Variants in SLC25A21 observed in about 807,000 individuals in gnomAD.
The protein encoded by SLC25A21 is mitochondrial 2-oxodicarboxylate carrier.
Under a neutral mutation model 43.8 loss-of-function variants are expected in SLC25A21, and 47 were observed. That is an observed-to-expected ratio of 1.07 (90% CI 0.85 to 1.37). SLC25A21 has a LOEUF of 1.37. Among genes scored for constraint, SLC25A21 ranks in the 40% most tolerant of loss-of-function variants. The pLI, the probability that SLC25A21 is intolerant of heterozygous loss-of-function variation, is 0.00. For missense variants in SLC25A21, 352 were observed against 350.2 expected, an observed-to-expected ratio of 1.00 and a Z score of -0.04; for synonymous variants, 131 against 121.3, an observed-to-expected ratio of 1.08 and a Z score of -0.52.
chr14:36,962,326 A>T (rs9322969), intron 1 of SLC25A21, among the ~76,000 whole-genome samples: 56,220 of 151,950 alleles, frequency 0.37, 10,593 homozygotes, highest in South Asian at 0.48. Context: ...TTTTTGTGTG[A>T]GACAAGAGCA....
At chr14:36,844,422 C>T (rs1362450098) in intron 2 of SLC25A21, among the ~76,000 whole-genome samples, 1 of 152,166 alleles carries the variant, frequency 6.6e-6, no homozygotes, top group Admixed American at 6.5e-5. Flanking sequence ...GTGCTAGCAG[C>T]ACACAAGGGG....
chr14:36,942,356 C>T (rs1180021638), intron 1 of SLC25A21, among the ~76,000 whole-genome samples: 4 of 152,150 alleles, frequency 2.6e-5, no homozygotes, highest in Non-Finnish European at 4.4e-5. Flanking sequence ...CTGGAAGCTT[C>T]GCTGAACTAT....
intron 1 of SLC25A21, among the ~76,000 whole-genome samples, chr14:36,979,335 T>TTGTTC (rs1959962791): frequency 6.9e-6 from 1 of 145,272 alleles, no homozygotes; most frequent in Non-Finnish European, 1.5e-5. Flanking sequence ...TTTTTTGGTT[T>TTGTTC]TTTTTTTTAC....
chr14:36,684,656 A>T, intron 8 of SLC25A21, 88 bp downstream of exon 8: 1 of 1,256,718 alleles, frequency 8.0e-7, no homozygotes, highest in Non-Finnish European at 1.1e-6. Flanking sequence ...AGGAGGGCTT[A>T]CTGGTTCTCA....
intron 1 of SLC25A21, among the ~76,000 whole-genome samples, chr14:37,065,740 T>C (rs1397030865): frequency 6.6e-6 from 1 of 152,170 alleles, no homozygotes; most frequent in East Asian, 1.9e-4. Flanking sequence ...ATTCAAACAC[T>C]TCAGATATTG....
intron 5 of SLC25A21, among the ~76,000 whole-genome samples, chr14:36,728,379 T>C (rs2139217676): frequency 6.6e-6 from 1 of 152,298 alleles, no homozygotes; most frequent in Middle Eastern, 3.4e-3. Flanking sequence ...CTGGAGACAA[T>C]ATTTTATTGT....
chr14:36,845,714 T>C (rs927295416), intron 2 of SLC25A21, among the ~76,000 whole-genome samples: 2 of 152,272 alleles, frequency 1.3e-5, no homozygotes, highest in African/African-American at 2.4e-5. Context: ...GGACTTGCTA[T>C]CAGCTTCCAT....
At chr14:36,782,971 A>G (rs1887121818) in intron 3 of SLC25A21, among the ~76,000 whole-genome samples, 1 of 150,560 alleles carries the variant, frequency 6.6e-6, no homozygotes, top group Non-Finnish European at 1.5e-5. Context: ...ATAAATAAAT[A>G]AAAAAATAAA....
At chr14:36,853,842 C>T (rs1303160317) in intron 2 of SLC25A21, among the ~76,000 whole-genome samples, 1 of 152,188 alleles carries the variant, frequency 6.6e-6, no homozygotes, top group African/African-American at 2.4e-5. Flanking sequence ...CTGCATTATG[C>T]ATCCAGTGCT....
chr14:37,023,978 T>C (rs1410680866), intron 1 of SLC25A21, among the ~76,000 whole-genome samples: 7 of 152,100 alleles, frequency 4.6e-5, no homozygotes, highest in Non-Finnish European at 7.4e-5. Context: ...CATAAATTGA[T>C]TTCCTGAATT....
chr14:36,792,434 G>T (rs919049335), intron 3 of SLC25A21, among the ~76,000 whole-genome samples: 1 of 152,112 alleles, frequency 6.6e-6, no homozygotes, highest in Non-Finnish European at 1.5e-5. Context: ...ATGGGAGGCA[G>T]ACCACAGGGG....
intron 3 of SLC25A21, among the ~76,000 whole-genome samples, chr14:36,810,869 A>G (rs939723146): frequency 2.5e-4 from 9 of 36,688 alleles, no homozygotes; most frequent in African/African-American, 5.9e-4. Context: ...TATACAGCAT[A>G]TGTAGAGAAA....
At chr14:36,745,682 G>C (rs1272864017) in intron 3 of SLC25A21, among the ~76,000 whole-genome samples, 1 of 152,038 alleles carries the variant, frequency 6.6e-6, no homozygotes, top group Non-Finnish European at 1.5e-5. Context: ...CCTACTTTTT[G>C]ATGGGGTTGT....
chr14:37,027,928 C>T lies in SLC25A21; in HGVS notation c.70+144353G>A, dbSNP rs1961128009. Among the ~76,000 whole-genome samples the T allele has an allele frequency of 3.9e-5, 6 of 152,254 alleles. No individual in the cohort carries two copies. In the South Asian group the frequency reaches 1.0e-3, roughly 26 times the overall value. On this transcript the variant is annotated intron_variant, in intron 1 of 9. Transcript: ENST00000331299. ...AAACGTAATCTTCTAAAAACTTTAC[C>T]TATAAACCTTTTCAAATACCAATTG...
chr14:36,743,932 AC>A lies in SLC25A21; in HGVS notation c.204-9360del, dbSNP rs1885383582. On this transcript the variant is annotated intron_variant, in intron 3 of 9. Transcript: ENST00000331299. ...GAACTGAATCTCATTTAAAATAGCT[AC>A]ATAAAATACCTAGGAATATACTTAA... 5.9e-5 allele frequency among the ~76,000 whole-genome samples: 9 copies of A among 152,276 alleles called. No homozygotes were observed. In the South Asian group the frequency reaches 1.9e-3, roughly 32 times the overall value.
At chr14:36,825,840 C>T (rs1208275503) in intron 2 of SLC25A21, among the ~76,000 whole-genome samples, 2 of 152,144 alleles carry the variant, frequency 1.3e-5, no homozygotes, top group East Asian at 3.8e-4. Flanking sequence ...AAATCTCCTC[C>T]TTTAAATTTC....
intron 1 of SLC25A21, among the ~76,000 whole-genome samples, chr14:37,008,133 G>GA (rs71449961): frequency 2.0e-5 from 3 of 152,016 alleles, no homozygotes; most frequent in Non-Finnish European, 4.4e-5. Context: ...CTCAGCCTCT[G>GA]AAAGTGCTGG....
At chr14:36,994,368 G>C (rs1402167685) in intron 1 of SLC25A21, among the ~76,000 whole-genome samples, 1 of 152,186 alleles carries the variant, frequency 6.6e-6, no homozygotes, top group Non-Finnish European at 1.5e-5. Flanking sequence ...GGAAGGAAGA[G>C]AATAAGGTAA....
chr14:37,068,081 C>T (rs901675670), intron 1 of SLC25A21, among the ~76,000 whole-genome samples: 4 of 152,302 alleles, frequency 2.6e-5, no homozygotes, highest in Middle Eastern at 3.4e-3. Context: ...TTACAGGAAA[C>T]GTTTGCCAAC....
Sources: allele counts gnomAD v4.1 joint callset (sites outside exome capture counted in the v4.1 genomes callset), GRCh38; gene constraint gnomAD v4.1.1; transcripts MANE v1.5; gene names NCBI Gene and HGNC (gene_info 2026-07-23, HGNC 2026-07-21).